Variants in SNX29 observed in about 807,000 individuals in gnomAD.
SNX29 encodes sorting nexin-29.
In SNX29, 78 loss-of-function variants were observed where a neutral mutation model predicts 102.1. That is an observed-to-expected ratio of 0.76 (90% confidence interval 0.64 to 0.92). The LOEUF (loss-of-function observed/expected upper bound fraction) is 0.92, where lower values mean the gene tolerates loss of function less well. Among genes scored for constraint, SNX29 ranks in the 40% least tolerant of loss-of-function variants. SNX29 has a pLI of 0.00. For missense variants in SNX29, 1,280 were observed against 1,061.7 expected (o/e 1.21, Z -2.86); for synonymous variants, 580 against 414.5 (o/e 1.40, Z -4.85).
intron 20 of SNX29, among the ~76,000 whole-genome samples, chr16:12,552,180 G>C (rs1040052923): frequency 6.6e-6 from 1 of 152,154 alleles, no homozygotes; most frequent in Non-Finnish European, 1.5e-5. Flanking sequence ...TGCAGAAAGG[G>C]AAACAACGGC....
chr16:12,356,114 C>G, intron 15 of SNX29, 49 bp from the exon 16 acceptor site: 1 of 1,556,414 alleles, frequency 6.4e-7, no homozygotes, highest in East Asian at 2.3e-5. Flanking sequence ...GGATTGGTCC[C>G]TGGGGAATGT....
intron 16 of SNX29, among the ~76,000 whole-genome samples, chr16:12,369,875 A>G (rs2082619035): frequency 2.0e-5 from 3 of 152,204 alleles, no homozygotes; most frequent in Admixed American, 2.0e-4. Context: ...CACAAGTTGC[A>G]TCTGATGTTC....
intron 13 of SNX29, chr16:12,135,632 A>G (rs897365597): frequency 3.7e-6 from 5 of 1,337,674 alleles, no homozygotes; most frequent in Non-Finnish European, 4.9e-6. Flanking sequence ...AGAAATCAAC[A>G]GTTCCTGATA....
intron 20 of SNX29, among the ~76,000 whole-genome samples, chr16:12,528,557 C>T (rs980246166): frequency 1.3e-5 from 2 of 152,192 alleles, no homozygotes; most frequent in Non-Finnish European, 2.9e-5. Context: ...CACTCTCCCA[C>T]ACTTGGATGC....
intron 1 of SNX29, among the ~76,000 whole-genome samples, chr16:11,998,586 G>A (rs989031356): frequency 2.0e-5 from 3 of 152,170 alleles, no homozygotes; most frequent in East Asian, 1.9e-4. Context: ...TCATGACTTC[G>A]TGGTGGCAAA....
chr16:12,079,650 A>G (rs564577021), intron 11 of SNX29, among the ~76,000 whole-genome samples: 1 of 152,276 alleles, frequency 6.6e-6, no homozygotes, highest in East Asian at 1.9e-4. Flanking sequence ...TTTGTACACA[A>G]AGCCATTCAG....
intron 18 of SNX29, among the ~76,000 whole-genome samples, chr16:12,410,725 T>G (rs1163923961): frequency 1.3e-5 from 2 of 152,158 alleles, no homozygotes; most frequent in African/African-American, 4.8e-5. Context: ...CAAGCCACTG[T>G]GCCTGGCCTC....
At chr16:12,511,550 T>C (rs2089620145) in intron 19 of SNX29, among the ~76,000 whole-genome samples, 1 of 152,212 alleles carries the variant, frequency 6.6e-6, no homozygotes, top group African/African-American at 2.4e-5. Flanking sequence ...GTGGAGCCCT[T>C]GTTCCTTTCC....
intron 20 of SNX29, among the ~76,000 whole-genome samples, chr16:12,554,918 C>T (rs567442933): frequency 4.6e-4 from 69 of 151,576 alleles, no homozygotes; most frequent in African/African-American, 1.5e-3. Context: ...GGGAGAGGGG[C>T]TGAGGAGGGC....
At chr16:12,358,599 C>A (rs9939036) in intron 16 of SNX29, among the ~76,000 whole-genome samples, 77,983 of 151,964 alleles carry the variant, frequency 0.51, 20,579 homozygotes, top group Non-Finnish European at 0.59. Context: ...AAATTGACCC[C>A]TATTGTCTGA....
At chr16:12,532,730 G>A (rs1024683279) in intron 20 of SNX29, among the ~76,000 whole-genome samples, 8 of 152,114 alleles carry the variant, frequency 5.3e-5, no homozygotes, top group African/African-American at 1.7e-4. Context: ...AGGAAGAGGT[G>A]TTGGCCTTGG....
intron 3 of SNX29, among the ~76,000 whole-genome samples, chr16:12,022,427 C>T (rs937220072): frequency 2.6e-5 from 4 of 152,124 alleles, no homozygotes; most frequent in Non-Finnish European, 5.9e-5. Flanking sequence ...TCTTGAACTC[C>T]TGACCTCAGG....
intron 14 of SNX29, among the ~76,000 whole-genome samples, chr16:12,233,726 A>G (rs2077839519): frequency 2.0e-5 from 3 of 151,966 alleles, no homozygotes; most frequent in South Asian, 4.2e-4. Context: ...GAACATTTTC[A>G]CTCCCTCACA....
intron 20 of SNX29, among the ~76,000 whole-genome samples, chr16:12,562,933 T>A (rs1372511371): frequency 6.6e-6 from 1 of 152,144 alleles, no homozygotes; most frequent in Non-Finnish European, 1.5e-5. Flanking sequence ...GCCAAAAACC[T>A]GCATAGTAAG....
chr16:12,063,549 T>C (rs1324561707), intron 9 of SNX29, among the ~76,000 whole-genome samples: 2 of 151,916 alleles, frequency 1.3e-5, no homozygotes, highest in African/African-American at 4.8e-5. Flanking sequence ...TAAATTCTTT[T>C]TGTATTTTTA....
chr16:12,320,084 C>T (rs2080882453), intron 15 of SNX29, among the ~76,000 whole-genome samples: 1 of 152,144 alleles, frequency 6.6e-6, no homozygotes, highest in African/African-American at 2.4e-5. Flanking sequence ...GTGGGGCAGA[C>T]ACAGATGGGT....
At chr16:12,058,678 G>C (rs918293908) in intron 8 of SNX29, among the ~76,000 whole-genome samples, 2 of 151,292 alleles carry the variant, frequency 1.3e-5, no homozygotes, top group Non-Finnish European at 2.9e-5. Flanking sequence ...ATTTTTAGTA[G>C]AGACGGGGTT....
intron 7 of SNX29, 54 bp downstream of exon 7, chr16:12,048,674 T>A: frequency 6.2e-7 from 1 of 1,613,670 alleles, no homozygotes; most frequent in East Asian, 2.2e-5. Flanking sequence ...ATGTGGCGGA[T>A]GGGGTGGACA....
intron 16 of SNX29, among the ~76,000 whole-genome samples, chr16:12,391,048 C>G (rs577315905): frequency 1.3e-5 from 2 of 152,224 alleles, no homozygotes; most frequent in Admixed American, 1.3e-4. Context: ...TGGGATCAGG[C>G]AATCCTTCCA....
Sources: allele counts gnomAD v4.1 joint callset (sites outside exome capture counted in the v4.1 genomes callset), GRCh38; gene constraint gnomAD v4.1.1; transcripts MANE v1.5; gene names NCBI Gene and HGNC (gene_info 2026-07-23, HGNC 2026-07-21).